TRIM14: variants seen among roughly 807,000 people sequenced by gnomAD.
TRIM14 encodes tripartite motif-containing protein 14.
A neutral mutation model predicts 44.5 loss-of-function variants in TRIM14; 28 were observed. The ratio of observed to expected loss-of-function variants is 0.63; its 90% CI spans 0.47 to 0.86. TRIM14 has a LOEUF of 0.86. Among genes scored for constraint, TRIM14 ranks in the 40% least tolerant of loss-of-function variants. The pLI, the probability that TRIM14 is intolerant of heterozygous loss-of-function variation, is 0.00. For synonymous variants in TRIM14, 299 were observed against 269.2 expected, an observed-to-expected ratio of 1.11 and a Z score of -1.08; for missense variants, 607 against 611.1, an observed-to-expected ratio of 0.99 and a Z score of 0.07.
chr9:98,078,835 GGA>G (rs1829714997), intron 6 of TRIM14, among the ~76,000 whole-genome samples: 1 of 79,314 alleles, frequency 1.3e-5, no homozygotes. Context: ...ACTCTCAGGG[GGA>G]AAAAAAAAAA....
At chr9:98,059,235 G>T in the TRIM14 span, among the ~76,000 whole-genome samples, 8 of 152,094 alleles carry the variant, frequency 5.3e-5, no homozygotes, top group African/African-American at 1.9e-4. Context: ...ATGTTAGCCA[G>T]GATGGTCTCG....
intron 2 of TRIM14, among the ~76,000 whole-genome samples, chr9:98,102,912 C>T (rs566174830): frequency 1.3e-5 from 2 of 151,972 alleles, no homozygotes; most frequent in Admixed American, 6.6e-5. Flanking sequence ...GTAGGCTGGG[C>T]GCGGTGGCTC....
chr9:98,101,494 C>T (rs1252979421), intron 2 of TRIM14, among the ~76,000 whole-genome samples: 2 of 150,098 alleles, frequency 1.3e-5, no homozygotes, highest in Non-Finnish European at 3.0e-5. Flanking sequence ...GGCAAGATCT[C>T]GGCTCACTGC....
chr9:98,078,035 A>T, intron 6 of TRIM14: 1 of 1,100,232 alleles, frequency 9.1e-7, no homozygotes, highest in Non-Finnish European at 1.3e-6. Context: ...GCAGGAACCC[A>T]ACAAGCTCCT....
At chr9:98,089,084 T>G (rs1297918390) in intron 5 of TRIM14, among the ~76,000 whole-genome samples, 1 of 152,242 alleles carries the variant, frequency 6.6e-6, no homozygotes, top group African/African-American at 2.4e-5. Context: ...CTGAGTTTTC[T>G]AAGAAAAAGA....
the TRIM14 span, among the ~76,000 whole-genome samples, chr9:98,056,336 G>A: frequency 6.6e-6 from 1 of 151,972 alleles, no homozygotes; most frequent in African/African-American, 2.4e-5. Flanking sequence ...ACTGGCATAG[G>A]CTGGACTCGA....
downstream of TRIM14, chr9:98,083,050 T>G (rs771334694): frequency 6.2e-7 from 1 of 1,613,866 alleles, no homozygotes; most frequent in Non-Finnish European, 8.5e-7. Context: ...AAAAATCAAG[T>G]CTTAAAAATA....
the TRIM14 span, among the ~76,000 whole-genome samples, chr9:98,049,338 CAT>C: frequency 0.018 from 682 of 38,532 alleles, 37 homozygotes; most frequent in Middle Eastern, 0.053. Flanking sequence ...TGAGACTCTG[CAT>C]AAAAAAAAAA....
At position 98,086,952 on chromosome 9, in the gene TRIM14, G is replaced by A; in HGVS notation, c.*518C>T. On this transcript the variant is annotated 3_prime_UTR_variant, in exon 6 of 6. Coordinates refer to ENST00000341469, the MANE Select transcript of TRIM14 (RefSeq NM_014788.4). ...GAGGGTTCAGACCAGGAACTGCTAAGAAGCTCTTGCAGCTTCTGGAGGGAG... is the reference window on the plus strand; with the variant it reads ...GAGGGTTCAGACCAGGAACTGCTAAAAAGCTCTTGCAGCTTCTGGAGGGAG... 1 of 201,830 alleles carries A rather than the reference G, an allele frequency of 5.0e-6. No homozygotes were observed. Among genetic ancestry groups the A allele is most frequent in the South Asian group, 7.6e-5 (1 of 13,072 alleles). 12.5% of individuals were successfully genotyped at this position (201,830 alleles called of 1,614,324 possible).
chr9:98,047,284 C>T, the TRIM14 span, among the ~76,000 whole-genome samples: 6 of 152,150 alleles, frequency 3.9e-5, no homozygotes, highest in African/African-American at 1.4e-4. Flanking sequence ...ACTGTGAGGC[C>T]TCCCCCACCA....
rs550931142 is a variant in TRIM14, at chr9:98,103,967, G to A, written c.304-3803C>T. On this transcript the variant is annotated intron_variant, in intron 2 of 5. Transcript: ENST00000341469. ...GGGGTGGGCAGGCTCCCGTGATACC[G>A]TGTTCTCAGGGGGACAGCATGTGGT... 1.2e-4 allele frequency among the ~76,000 whole-genome samples: 18 copies of A among 152,172 alleles called. 1 individual carries two copies. The highest frequency in any genetic ancestry group is 2.4e-4 in the Non-Finnish European group (16 of 68,044).
chr9:98,110,960 G>A (rs190298815), intron 1 of TRIM14, among the ~76,000 whole-genome samples: 9 of 151,424 alleles, frequency 5.9e-5, no homozygotes, highest in East Asian at 2.0e-4. Flanking sequence ...GGTCAGGGGC[G>A]GGTCACCTAA....
chr9:98,100,781 G>A (rs1273802437), intron 2 of TRIM14, among the ~76,000 whole-genome samples: 3 of 151,896 alleles, frequency 2.0e-5, no homozygotes, highest in African/African-American at 7.2e-5. Context: ...TGTAACAGTG[G>A]CATTTTAGAA....
intron 4 of TRIM14, among the ~76,000 whole-genome samples, chr9:98,093,737 A>T (rs1826080924): frequency 1.3e-5 from 2 of 150,836 alleles, no homozygotes; most frequent in Admixed American, 1.3e-4. Flanking sequence ...GCCCTGGTTT[A>T]TTATTATTAT....
downstream of TRIM14, chr9:98,083,035 G>C: frequency 6.2e-7 from 1 of 1,613,782 alleles, no homozygotes; most frequent in African/African-American, 1.3e-5. Context: ...AGATAATCAT[G>C]GCAAAAAAAT....
At chr9:98,117,491 G>A (rs1489962468) in intron 1 of TRIM14, among the ~76,000 whole-genome samples, 1 of 151,954 alleles carries the variant, frequency 6.6e-6, no homozygotes, top group African/African-American at 2.4e-5. Context: ...TAGAGACGGG[G>A]TTTCCCCATG....
chr9:98,101,669 C>T (rs907064815), intron 2 of TRIM14, among the ~76,000 whole-genome samples: 2 of 152,032 alleles, frequency 1.3e-5, no homozygotes, highest in Admixed American at 6.5e-5. Flanking sequence ...GATCTGCCTG[C>T]CTTGGTCCCC....
chr9:98,099,669 G>T (rs1261070398), intron 3 of TRIM14, among the ~76,000 whole-genome samples: 2 of 152,134 alleles, frequency 1.3e-5, no homozygotes, highest in Non-Finnish European at 2.9e-5. Context: ...GAATATTAGT[G>T]CTAAACTACA....
At chr9:98,056,853 G>A in the TRIM14 span, 1 of 1,609,390 alleles carries the variant, frequency 6.2e-7, no homozygotes, top group Non-Finnish European at 8.5e-7. Context: ...GGGTGGGCGG[G>A]CAACACCCGT....
Sources: gnomAD v4.1 joint callset for allele counts (sites outside exome capture counted in the v4.1 genomes callset) on GRCh38, gnomAD v4.1.1 for gene constraint, MANE v1.5 for transcripts, NCBI Gene and HGNC (gene_info 2026-07-23, HGNC 2026-07-21) for gene names.